PCDHA3: variants seen among roughly 807,000 people sequenced by gnomAD.
PCDHA3 encodes the protein protocadherin alpha-3.
In PCDHA3, 41 loss-of-function variants were observed where a neutral mutation model predicts 62.2. That is an observed-to-expected ratio of 0.66 (90% confidence interval 0.51 to 0.86). PCDHA3 has a LOEUF of 0.86. Among genes scored for constraint, PCDHA3 ranks in the 40% least tolerant of loss-of-function variants. The pLI, the probability that PCDHA3 is intolerant of heterozygous loss-of-function variation, is 0.00. For missense variants in PCDHA3, 1,304 were observed against 1,241.2 expected, an observed-to-expected ratio of 1.05 and a Z score of -0.76; for synonymous variants, 640 against 555.4, an observed-to-expected ratio of 1.15 and a Z score of -2.14.
chr5:140,968,500 C>T, intron 1 of PCDHA3: 2 of 1,614,222 alleles, frequency 1.2e-6, no homozygotes, highest in Middle Eastern at 1.6e-4. Context: ...ATGCCCCTCA[C>T]ATTCTGTACC....
chr5:140,846,051 C>T lies in PCDHA3; in HGVS notation c.2394+42460C>T, dbSNP rs2150384133. Among the ~76,000 whole-genome samples the T allele has an allele frequency of 2.0e-5, 3 of 149,742 alleles. No individual in the cohort carries two copies. In the South Asian group the frequency reaches 6.3e-4, roughly 32 times the overall value. ...TTTAGGAAAGTCAAGTTAACACCAC[C>T]TATGTGGGAAAACAGTTTTTTGGAA... On this transcript the variant is annotated intron_variant, in intron 1 of 3. Coordinates refer to ENST00000522353, the MANE Select transcript of PCDHA3 (RefSeq NM_018906.3).
chr5:140,980,614 G>T (rs2153822225), intron 2 of PCDHA3, among the ~76,000 whole-genome samples: 1 of 152,088 alleles, frequency 6.6e-6, no homozygotes, highest in Admixed American at 6.5e-5. Context: ...TGGCGACAGT[G>T]CGAGACTCTG....
At chr5:140,816,848 C>T (rs1304434378) in intron 1 of PCDHA3, 1 of 151,714 alleles carries the variant, frequency 6.6e-6, no homozygotes, top group East Asian at 1.9e-4. Context: ...GTGTGCTGTA[C>T]TGTGGGCCCT....
chr5:140,901,333 T>C (rs1370254894), intron 1 of PCDHA3, among the ~76,000 whole-genome samples: 1 of 152,200 alleles, frequency 6.6e-6, no homozygotes, highest in East Asian at 1.9e-4. Flanking sequence ...TTGTAGTCGT[T>C]TTATAGTTTG....
chr5:140,828,490 C>T (rs1338028540), intron 1 of PCDHA3: 1 of 1,614,054 alleles, frequency 6.2e-7, no homozygotes, highest in Non-Finnish European at 8.5e-7. Context: ...CGCCCTTGTT[C>T]CCGGTAGAGG....
At chr5:140,888,753 AC>A (rs1372547782) in intron 1 of PCDHA3, among the ~76,000 whole-genome samples, 1 of 149,022 alleles carries the variant, frequency 6.7e-6, no homozygotes, top group African/African-American at 2.5e-5. Context: ...TATTCTACCC[AC>A]TTTTTTTTTT....
At chr5:140,851,413 C>A in intron 1 of PCDHA3, 1 of 961,744 alleles carries the variant, frequency 1.0e-6, no homozygotes, top group Non-Finnish European at 1.3e-6. Flanking sequence ...AAGAAAGAAA[C>A]TTCCCCTAAA....
At chr5:140,829,744 G>A (rs2150173743) in intron 1 of PCDHA3, 30 of 1,613,564 alleles carry the variant, frequency 1.9e-5, no homozygotes, top group Admixed American at 1.8e-4. Flanking sequence ...ACGTGACGCT[G>A]CAGGTGTTCG....
intron 1 of PCDHA3, chr5:140,966,895 G>T: frequency 6.3e-7 from 1 of 1,596,682 alleles, no homozygotes. Flanking sequence ...CGGCCTCCCA[G>T]CTGCGATACT....
chr5:140,818,203 G>A (rs2150100519), intron 1 of PCDHA3, among the ~76,000 whole-genome samples: 7 of 152,104 alleles, frequency 4.6e-5, no homozygotes, highest in African/African-American at 4.8e-5. Flanking sequence ...GTACATGTAT[G>A]TTAAATCTTT....
chr5:140,852,648 C>A, intron 1 of PCDHA3: 1 of 958,186 alleles, frequency 1.0e-6, no homozygotes, highest in Non-Finnish European at 1.3e-6. Context: ...TTAAACCTAT[C>A]TATATCTGTC....
chr5:140,873,205 T>TTTTAAAAGTATTCTTAA (rs2054160501), intron 1 of PCDHA3, among the ~76,000 whole-genome samples: 1 of 152,206 alleles, frequency 6.6e-6, no homozygotes, highest in Non-Finnish European at 1.5e-5. Flanking sequence ...AAACATTCTT[T>TTTTAAAAGTATTCTTAA]AAGTATTAAA....
chr5:140,820,961 T>A (rs1033413867), intron 1 of PCDHA3, among the ~76,000 whole-genome samples: 6 of 152,032 alleles, frequency 3.9e-5, no homozygotes, highest in Non-Finnish European at 7.4e-5. Context: ...AGTTTTTGAG[T>A]CAATACAAAA....
chr5:140,821,833 C>A, intron 1 of PCDHA3: 1 of 1,614,122 alleles, frequency 6.2e-7, no homozygotes, highest in Non-Finnish European at 8.5e-7. Flanking sequence ...CTGGCTTCTC[C>A]TTGCCTACTG....
intron 1 of PCDHA3, among the ~76,000 whole-genome samples, chr5:140,976,093 A>G (rs782314077): frequency 6.6e-6 from 1 of 152,238 alleles, no homozygotes; most frequent in African/African-American, 2.4e-5. Context: ...TCAGTAGTCA[A>G]CTTTTCAACT....
intron 1 of PCDHA3, among the ~76,000 whole-genome samples, chr5:140,954,134 A>G (rs1443838127): frequency 6.6e-6 from 1 of 152,194 alleles, no homozygotes; most frequent in Non-Finnish European, 1.5e-5. Flanking sequence ...TTATGGATGC[A>G]TAGTATTCCA....
chr5:140,815,026 A>T (rs1765636831), intron 1 of PCDHA3: 2 of 152,244 alleles, frequency 1.3e-5, no homozygotes, highest in Admixed American at 6.5e-5. Flanking sequence ...TTTTGGTTAC[A>T]ATTTGCATGA....
chr5:140,837,926 ACCT>A (rs1775320032), intron 1 of PCDHA3, among the ~76,000 whole-genome samples: 1 of 151,498 alleles, frequency 6.6e-6, no homozygotes. Flanking sequence ...CGATCCTCCT[ACCT>A]TGGCCTCCCA....
intron 1 of PCDHA3, among the ~76,000 whole-genome samples, chr5:140,908,279 G>T (rs2073895272): frequency 6.6e-6 from 1 of 151,782 alleles, no homozygotes; most frequent in South Asian, 2.1e-4. Flanking sequence ...TGAGGCCATT[G>T]TTGCAAGCTG....
Sources: gnomAD v4.1 joint callset for allele counts (sites outside exome capture counted in the v4.1 genomes callset) on GRCh38, gnomAD v4.1.1 for gene constraint, MANE v1.5 for transcripts, NCBI Gene and HGNC (gene_info 2026-07-23, HGNC 2026-07-21) for gene names.